Variants in RUBCNL observed in about 807,000 individuals in gnomAD.
RUBCNL encodes protein associated with UVRAG as autophagy enhancer.
In RUBCNL, 62 loss-of-function variants were observed where a neutral mutation model predicts 69.5. That is an observed-to-expected ratio of 0.89 (90% confidence interval 0.73 to 1.10). RUBCNL has a LOEUF of 1.10. RUBCNL is among the 50% of genes least tolerant of loss of function. The pLI is 0.00. For synonymous variants in RUBCNL, 291 were observed against 303.6 expected, an observed-to-expected ratio of 0.96 and a Z score of 0.43; for missense variants, 768 against 798.1, an observed-to-expected ratio of 0.96 and a Z score of 0.45.
intron 6 of RUBCNL, among the ~76,000 whole-genome samples, 192 bp downstream of exon 6, chr13:46,362,923 C>CATATATATATATATATATATAT (rs770827606): frequency 2.3e-5 from 2 of 88,058 alleles, no homozygotes; most frequent in Admixed American, 1.3e-4. Flanking sequence ...ACAAGAACAT[C>CATATATATATATATATATATAT]ATATATATAT....
In RUBCNL at chr13:46,337,879, G is replaced by A. The variant is rs1488589777; in HGVS notation, c.*5506C>T. On this transcript the variant is annotated 3_prime_UTR_variant, in exon 15 of 15. Coordinates refer to ENST00000429979, the MANE Select transcript of RUBCNL (RefSeq NM_025113.5). ...ACAATCACTCAGGGAGCTGGGTAGG[G>A]CCCTCAGGAATGTGGACCTTCAGGG... Among the ~76,000 whole-genome samples the A allele has an allele frequency of 2.0e-5, 3 of 152,204 alleles. No individual in the cohort carries two copies. Among genetic ancestry groups the A allele is most frequent in the African/African-American group, 7.2e-5 (3 of 41,458 alleles).
At chr13:46,348,906 T>C (rs948073488) in intron 12 of RUBCNL, among the ~76,000 whole-genome samples, 1 of 152,172 alleles carries the variant, frequency 6.6e-6, no homozygotes, top group African/African-American at 2.4e-5. Flanking sequence ...CTGGCTGATC[T>C]GATGGCTTTA....
chr13:46,366,552 C>T (rs375137717), intron 5 of RUBCNL, among the ~76,000 whole-genome samples: 30 of 152,308 alleles, frequency 2.0e-4, no homozygotes, highest in African/African-American at 2.9e-4. Context: ...CAAAACAACC[C>T]TTTTAATTTG....
intron 5 of RUBCNL, among the ~76,000 whole-genome samples, chr13:46,364,853 T>G (rs1330375061): frequency 6.6e-6 from 1 of 152,120 alleles, no homozygotes; most frequent in Non-Finnish European, 1.5e-5. Context: ...TTCTTAATTT[T>G]CATTTAACAT....
Position 46,355,085 on chromosome 13 carries a change from T to C in RUBCNL, c.1330+1347A>G, listed in dbSNP as rs527387599. Among the ~76,000 whole-genome samples the C allele has an allele frequency of 1.9e-4, 29 of 152,312 alleles. No individual in the cohort carries two copies. The East Asian group carries it at 5.0e-3, about 26-fold the overall frequency. On this transcript the variant is annotated intron_variant, in intron 10 of 14. Transcript: ENST00000429979. ...GTGTAGGAGAGGAAGCCCAGATCGA[T>C]TCCTGCTTGCTATTTTTATCTCTTG...
At chr13:46,380,394 C>T (rs1407178391) in intron 1 of RUBCNL, among the ~76,000 whole-genome samples, 1 of 152,122 alleles carries the variant, frequency 6.6e-6, no homozygotes, top group African/African-American at 2.4e-5. Flanking sequence ...AAATGGAGAC[C>T]ATTAGGGGAC....
upstream of RUBCNL, chr13:46,389,760 G>A (rs1022936215): frequency 6.6e-6 from 1 of 152,188 alleles, no homozygotes; most frequent in Non-Finnish European, 1.5e-5. This position sits in a 1 kb window ranked among gnomAD's most constrained non-coding sequence, Gnocchi z 4.2. Flanking sequence ...TTCAAGGACA[G>A]GTTTTTCAAG....
intron 6 of RUBCNL, among the ~76,000 whole-genome samples, 174 bp downstream of exon 6, chr13:46,362,939 GAT>G (rs57722239): frequency 0.01 from 430 of 41,406 alleles, 6 homozygotes; most frequent in Middle Eastern, 0.015. Context: ...TATATATATA[GAT>G]ATATATATAT....
intron 7 of RUBCNL, among the ~76,000 whole-genome samples, 184 bp from the exon 8 acceptor site, chr13:46,361,757 A>G (rs1461933595): frequency 2.0e-5 from 3 of 152,056 alleles, no homozygotes; most frequent in Non-Finnish European, 4.4e-5. Context: ...TCAATAAATA[A>G]AGCATCTTTT....
chr13:46,378,394 A>AAAATC (rs1423444919), intron 1 of RUBCNL: 1 of 154,418 alleles, frequency 6.5e-6, no homozygotes, highest in African/African-American at 2.4e-5. Flanking sequence ...TACAAACAAT[A>AAAATC]AAATCAATTT....
intron 2 of RUBCNL, among the ~76,000 whole-genome samples, chr13:46,376,168 G>A (rs1015854145): frequency 6.6e-6 from 1 of 152,112 alleles, no homozygotes; most frequent in African/African-American, 2.4e-5. Flanking sequence ...TATAAGTAGT[G>A]TTAAGTTTTG....
intron 2 of RUBCNL, among the ~76,000 whole-genome samples, chr13:46,377,024 T>C (rs2049009210): frequency 6.8e-6 from 1 of 147,080 alleles, no homozygotes; most frequent in African/African-American, 2.5e-5. Context: ...ATGTCATTTT[T>C]TGGTTGACTT....
intron 5 of RUBCNL, among the ~76,000 whole-genome samples, chr13:46,367,780 G>A (rs901376151): frequency 3.3e-5 from 5 of 152,094 alleles, no homozygotes; most frequent in Admixed American, 2.6e-4. Flanking sequence ...ACTCCCACAC[G>A]TCTTGCCATG....
chr13:46,355,876 G>C (rs1449970041), intron 10 of RUBCNL, among the ~76,000 whole-genome samples: 1 of 152,108 alleles, frequency 6.6e-6, no homozygotes, highest in Non-Finnish European at 1.5e-5. Context: ...GACTATTTTA[G>C]AAAGACTGTG....
In RUBCNL at chr13:46,339,003, G is replaced by A. The variant is rs922400651; in HGVS notation, c.*4382C>T. ...AGAGGCTGCAGTGAACTGAGATCAC[G>A]CCAACTGCACTCCAGCCTGGGCGAC... On this transcript the variant is annotated 3_prime_UTR_variant, in exon 15 of 15. Coordinates refer to ENST00000429979, the MANE Select transcript of RUBCNL (RefSeq NM_025113.5). Among the ~76,000 whole-genome samples, 6 of 150,306 alleles carry A rather than the reference G, an allele frequency of 4.0e-5. No homozygotes were observed. Among genetic ancestry groups the A allele is most frequent in the East Asian group, 2.0e-4 (1 of 5,068 alleles).
intron 14 of RUBCNL, among the ~76,000 whole-genome samples, chr13:46,343,721 A>G (rs1367464824): frequency 6.6e-6 from 1 of 152,166 alleles, no homozygotes; most frequent in Non-Finnish European, 1.5e-5. Flanking sequence ...AGAGAGCCTG[A>G]TGTAACGGAC....
rs533724069 is a variant in RUBCNL, at chr13:46,335,957, G to A, written c.*7428C>T. On this transcript the variant is annotated 3_prime_UTR_variant, in exon 15 of 15. Coordinates refer to ENST00000429979, the MANE Select transcript of RUBCNL (RefSeq NM_025113.5). ...ACTGGATAAGACCATCCCAAGAGAA[G>A]AAAAGAGATGGCAAAACTGAGCCCT... 2.0e-5 allele frequency among the ~76,000 whole-genome samples: 3 copies of A among 152,312 alleles called. No homozygotes were observed. The highest frequency in any genetic ancestry group is 6.5e-5 in the Admixed American group (1 of 15,292).
rs2048131444 is a variant in RUBCNL, at chr13:46,340,117, C to T, written c.*3268G>A. Among the ~76,000 whole-genome samples the T allele has an allele frequency of 6.6e-6, 1 of 152,026 alleles. No homozygotes were observed. Among genetic ancestry groups the T allele is most frequent in the Admixed American group, 6.5e-5 (1 of 15,270 alleles). On this transcript the variant is annotated 3_prime_UTR_variant, in exon 15 of 15. Coordinates refer to ENST00000429979, the MANE Select transcript of RUBCNL (RefSeq NM_025113.5). ...TGCATCTTCTCTCTTCTCTCAATTT[C>T]CCTTTTCTTATAAGGACACCAGTCA...
intron 2 of RUBCNL, 57 bp from the exon 3 acceptor site, chr13:46,372,654 C>T: frequency 7.1e-7 from 1 of 1,412,168 alleles, no homozygotes; most frequent in African/African-American, 1.4e-5. Context: ...ATTTTGGCTA[C>T]AAATTATTTT....
Sources: gnomAD v4.1 joint callset for allele counts (sites outside exome capture counted in the v4.1 genomes callset) on GRCh38, gnomAD v4.1.1 for gene constraint, Gnocchi (gnomAD v3.1) non-coding constraint, MANE v1.5 for transcripts, NCBI Gene and HGNC (gene_info 2026-07-23, HGNC 2026-07-21) for gene names.